Variants in STARD13 observed in about 807,000 individuals in gnomAD.
STARD13 encodes the protein StAR related lipid transfer domain containing 13, also known as stAR-related lipid transfer protein 13.
A neutral mutation model predicts 106.4 loss-of-function variants in STARD13; 62 were observed. That is an observed-to-expected ratio of 0.58 (90% CI 0.48 to 0.72). The LOEUF is 0.72. STARD13 is among the 30% of genes least tolerant of loss of function. STARD13 has a pLI of 0.00. For synonymous variants in STARD13, 565 were observed against 553.0 expected, an observed-to-expected ratio of 1.02 and a Z score of -0.31; for missense variants, 1,387 against 1,424.0, an observed-to-expected ratio of 0.97 and a Z score of 0.42.
the STARD13 span, among the ~76,000 whole-genome samples, chr13:33,568,598 T>G: frequency 1.4e-5 from 2 of 148,018 alleles, no homozygotes; most frequent in African/African-American, 5.0e-5. Context: ...GTAGGGCTTC[T>G]GCCTGCCATT....
the STARD13 span, among the ~76,000 whole-genome samples, chr13:33,377,131 T>C: frequency 6.6e-6 from 1 of 152,236 alleles, no homozygotes; most frequent in Non-Finnish European, 1.5e-5. Flanking sequence ...ATCATTTTGT[T>C]GTTATTGCTC....
intron 1 of STARD13, among the ~76,000 whole-genome samples, chr13:33,292,329 A>G (rs547485001): frequency 2.0e-5 from 3 of 152,136 alleles, no homozygotes; most frequent in African/African-American, 7.2e-5. Context: ...AGGCCCTCAT[A>G]AAGAATCAGC....
At chr13:33,646,152 T>C in the STARD13 span, among the ~76,000 whole-genome samples, 1 of 152,172 alleles carries the variant, frequency 6.6e-6, no homozygotes, top group Admixed American at 6.5e-5. Flanking sequence ...ATGTCCCAGG[T>C]GCATGCTTTT....
chr13:33,330,476 T>C (rs762878671), intron 1 of STARD13, among the ~76,000 whole-genome samples: 43 of 152,318 alleles, frequency 2.8e-4, no homozygotes, highest in Non-Finnish European at 5.6e-4. Flanking sequence ...ATGAGTTCCT[T>C]ATATATTTTG....
At chr13:33,486,508 G>A in the STARD13 span, among the ~76,000 whole-genome samples, 25 of 152,278 alleles carry the variant, frequency 1.6e-4, no homozygotes, top group African/African-American at 5.5e-4. Flanking sequence ...TAAAAGTTAT[G>A]TGAATGCAGT....
At chr13:33,135,597 T>C (rs1878949179) in intron 4 of STARD13, among the ~76,000 whole-genome samples, 1 of 152,182 alleles carries the variant, frequency 6.6e-6, no homozygotes, top group Non-Finnish European at 1.5e-5. Context: ...ATTTTGGAAA[T>C]ATAGCATCAC....
intron 1 of STARD13, among the ~76,000 whole-genome samples, chr13:33,215,706 A>C (rs1888000000): frequency 6.6e-6 from 1 of 152,198 alleles, no homozygotes; most frequent in Non-Finnish European, 1.5e-5. Flanking sequence ...ATTTCCCTGA[A>C]GTATTTGAGT....
At chr13:33,342,523 T>C (rs1487805928) in intron 1 of STARD13, among the ~76,000 whole-genome samples, 2 of 151,994 alleles carry the variant, frequency 1.3e-5, no homozygotes, top group East Asian at 1.9e-4. Context: ...TGAGGGTTTT[T>C]TTATAGTTTG....
the STARD13 span, among the ~76,000 whole-genome samples, chr13:33,510,271 A>T: frequency 1.3e-5 from 2 of 152,206 alleles, no homozygotes; most frequent in Non-Finnish European, 2.9e-5. Flanking sequence ...GAGCCTAAGC[A>T]TAGTCTCCCT....
At position 33,129,396 on chromosome 13, in the gene STARD13, C is replaced by G. The variant is rs1877832816; in HGVS notation, c.1281G>C (p.Arg427Ser). 1 of 1,614,054 alleles carries G rather than the reference C, an allele frequency of 6.2e-7. No homozygotes were observed. Among genetic ancestry groups the G allele is most frequent in the Admixed American group, 1.7e-5 (1 of 60,008 alleles). The change falls in exon 5 of 14, where the codon AGG becomes AGC. Residue 427 changes from arginine (R) to serine (S), a missense_variant. Coordinates refer to ENST00000336934, the MANE Select transcript of STARD13 (RefSeq NM_178006.4). ...CTCTGCCCAGGGAGATGCTACCGGTCCTCCAATTAACCCCATTGCTACTAT... is the reference window on the plus strand; with the variant it reads ...CTCTGCCCAGGGAGATGCTACCGGTGCTCCAATTAACCCCATTGCTACTAT... ...PTDSSNGVNW[R>S]TGSISLGREQ... is the part of the protein sequence containing the mutation.
At chr13:33,276,830 C>T (rs1052865572) in intron 1 of STARD13, 1 of 152,100 alleles carries the variant, frequency 6.6e-6, no homozygotes, top group Non-Finnish European at 1.5e-5. Flanking sequence ...GGAGGCAAAG[C>T]AACACAAATC....
At chr13:33,663,023 C>T in the STARD13 span, among the ~76,000 whole-genome samples, 1 of 152,182 alleles carries the variant, frequency 6.6e-6, no homozygotes, top group South Asian at 2.1e-4. Flanking sequence ...TCACTGCTAA[C>T]AGTAGTTTGA....
At chr13:33,506,107 TTAAGAAGG>T in the STARD13 span, among the ~76,000 whole-genome samples, 8 of 152,160 alleles carry the variant, frequency 5.3e-5, no homozygotes, top group African/African-American at 1.9e-4. Flanking sequence ...CAAATTTCAC[TTAAGAAGG>T]TTATTGATGA....
the STARD13 span, among the ~76,000 whole-genome samples, chr13:33,541,653 C>T: frequency 1.3e-5 from 2 of 152,252 alleles, no homozygotes; most frequent in Admixed American, 6.5e-5. Flanking sequence ...TATTCCTTTC[C>T]CTCTGGCTTT....
chr13:33,300,515 G>T (rs193148427), intron 1 of STARD13, among the ~76,000 whole-genome samples: 1 of 152,288 alleles, frequency 6.6e-6, no homozygotes, highest in East Asian at 1.9e-4. Context: ...CTTTTCTCTG[G>T]AGAGTATTTT....
the STARD13 span, among the ~76,000 whole-genome samples, chr13:33,588,205 T>C: frequency 6.6e-6 from 1 of 152,214 alleles, no homozygotes; most frequent in Non-Finnish European, 1.5e-5. Context: ...TCTTATTCCT[T>C]CTTGTATCTA....
At chr13:33,442,373 C>A in the STARD13 span, among the ~76,000 whole-genome samples, 1 of 152,184 alleles carries the variant, frequency 6.6e-6, no homozygotes, top group South Asian at 2.1e-4. Flanking sequence ...AATAAATAAT[C>A]CTTGGCACAA....
intron 1 of STARD13, among the ~76,000 whole-genome samples, chr13:33,307,110 C>T (rs1012311117): frequency 6.6e-6 from 1 of 152,052 alleles, no homozygotes; most frequent in African/African-American, 2.4e-5. Context: ...AATGAGATAC[C>T]ATCTCATGCC....
chr13:33,449,656 G>T, the STARD13 span, among the ~76,000 whole-genome samples: 1 of 152,168 alleles, frequency 6.6e-6, no homozygotes, highest in Non-Finnish European at 1.5e-5. Flanking sequence ...CTGGTAATTT[G>T]TTAGCAATTG....
Sources: gnomAD v4.1 joint callset for allele counts (sites outside exome capture counted in the v4.1 genomes callset) on GRCh38, gnomAD v4.1.1 for gene constraint, MANE v1.5 for transcripts, NCBI Gene and HGNC (gene_info 2026-07-23, HGNC 2026-07-21) for gene names.